Variants in ROBO2 observed in about 807,000 individuals in gnomAD.
ROBO2 encodes roundabout homolog 2.
A neutral mutation model predicts 160.8 loss-of-function variants in ROBO2; 53 were observed. The ratio of observed to expected loss-of-function variants is 0.33; its 90% CI spans 0.26 to 0.41. The LOEUF is 0.41. Among genes scored for constraint, ROBO2 ranks in the 10% least tolerant of loss-of-function variants. ROBO2 has a pLI of 1.00. For missense variants in ROBO2, 1,577 were observed against 1,722.4 expected (o/e 0.92, Z 1.49); for synonymous variants, 664 against 611.7 (o/e 1.09, Z -1.26).
At chr3:76,184,081 A>T (rs547005684) in intron 2 of ROBO2, among the ~76,000 whole-genome samples, 57 of 152,240 alleles carry the variant, frequency 3.7e-4, no homozygotes, top group African/African-American at 1.3e-3. Flanking sequence ...ATTGCTATGT[A>T]ACAAATCATT....
At chr3:76,042,858 T>A (rs778443440) in intron 2 of ROBO2, among the ~76,000 whole-genome samples, 1 of 152,050 alleles carries the variant, frequency 6.6e-6, no homozygotes, top group Non-Finnish European at 1.5e-5. Flanking sequence ...CTCAAATCAA[T>A]CACGACCCTT....
intron 1 of ROBO2, among the ~76,000 whole-genome samples, chr3:77,046,061 T>G (rs2149656218): frequency 6.6e-6 from 1 of 152,326 alleles, no homozygotes; most frequent in East Asian, 1.9e-4. Flanking sequence ...ATTGCTGCTT[T>G]GAACATCCAC....
intron 2 of ROBO2, among the ~76,000 whole-genome samples, chr3:77,458,548 G>T (rs1218526634): frequency 6.6e-6 from 1 of 151,522 alleles, no homozygotes; most frequent in African/African-American, 2.4e-5. Flanking sequence ...ACACTGATCA[G>T]CAATTCACTC....
At chr3:77,403,010 G>A (rs1184996054) in intron 2 of ROBO2, among the ~76,000 whole-genome samples, 1 of 152,116 alleles carries the variant, frequency 6.6e-6, no homozygotes, top group Non-Finnish European at 1.5e-5. Flanking sequence ...AATTGAGGTT[G>A]CTACAGACCC....
Position 76,346,274 on chromosome 3 carries a change from G to C in ROBO2, c.109+408672G>C, listed in dbSNP as rs2074524393. 1.3e-5 allele frequency among the ~76,000 whole-genome samples: 2 copies of C among 149,274 alleles called. 1 individual carries two copies. The highest frequency in any genetic ancestry group is 4.2e-4 in the South Asian group (2 of 4,724). On this transcript the variant is annotated intron_variant, in intron 2 of 26. Coordinates refer to the ROBO2 transcript ENST00000487694. Reference sequence around the variant, plus strand: ...ATTTTTTTTTTTTTTTTGAGACAGAGTCTCGCTCTGTTGCCCAGGCTGGAG... The same window carrying C: ...ATTTTTTTTTTTTTTTTGAGACAGACTCTCGCTCTGTTGCCCAGGCTGGAG...
intron 16 of ROBO2, among the ~76,000 whole-genome samples, chr3:77,588,051 A>G (rs1040587464): frequency 6.6e-6 from 1 of 152,008 alleles, no homozygotes; most frequent in Admixed American, 6.6e-5. Flanking sequence ...AGTAATGGAG[A>G]CCTCAAAGTT....
At chr3:76,640,900 C>T (rs1164831138) in intron 2 of ROBO2, among the ~76,000 whole-genome samples, 1 of 152,030 alleles carries the variant, frequency 6.6e-6, no homozygotes, top group Non-Finnish European at 1.5e-5. Context: ...GTGGCCAAAG[C>T]CAAGATCATT....
chr3:76,976,168 TA>T (rs1335334061), intron 2 of ROBO2, among the ~76,000 whole-genome samples: 1 of 152,192 alleles, frequency 6.6e-6, no homozygotes, highest in African/African-American at 2.4e-5. Context: ...AAGTAGAAAC[TA>T]AAAAATGGAA....
chr3:77,411,683 T>A (rs1047825133), intron 2 of ROBO2, among the ~76,000 whole-genome samples: 1 of 152,204 alleles, frequency 6.6e-6, no homozygotes, highest in Non-Finnish European at 1.5e-5. Context: ...TATACACATG[T>A]ATATGTATAT....
chr3:76,707,731 GTATATATA>G (rs56401900), intron 2 of ROBO2, among the ~76,000 whole-genome samples: 54,874 of 134,266 alleles, frequency 0.41, 11,199 homozygotes, highest in Non-Finnish European at 0.47. Flanking sequence ...ACATGTGTGT[GTATATATA>G]TATATATATA....
At chr3:76,347,436 A>C (rs1225840226) in intron 2 of ROBO2, among the ~76,000 whole-genome samples, 5 of 152,098 alleles carry the variant, frequency 3.3e-5, no homozygotes, top group African/African-American at 1.2e-4. Flanking sequence ...GTGAATTCTC[A>C]CTTTCTAATA....
intron 2 of ROBO2, among the ~76,000 whole-genome samples, chr3:77,197,756 T>C (rs1157601025): frequency 2.0e-5 from 3 of 152,204 alleles, no homozygotes; most frequent in Non-Finnish European, 4.4e-5. Flanking sequence ...AAAGGGATTG[T>C]ACAGATTTGA....
chr3:76,939,979 AT>A lies in ROBO2; in HGVS notation c.110-158015del, dbSNP rs71104641. Among the ~76,000 whole-genome samples the A allele has an allele frequency of 9.1e-4, 110 of 120,532 alleles. 2 individuals are homozygous for A. Among genetic ancestry groups the A allele is most frequent in the East Asian group, 7.2e-3 (29 of 4,030 alleles). 79.1% of individuals were successfully genotyped at this position (120,532 alleles called of 152,430 possible). A position where few individuals can be genotyped will look rare whatever the true frequency, so the allele number is the denominator to read the frequency against. ...GGCAGAGGAAGGACAAAGCAACAGG[AT>A]TTTTTTTTTTTTTTTTTTTGAGACG... is the stretch of plus-strand genomic sequence containing the variant. On this transcript the variant is annotated intron_variant, in intron 2 of 26. Coordinates refer to the ROBO2 transcript ENST00000487694.
In ROBO2 at chr3:77,180,423, T is replaced by C. The variant is rs761811342; in HGVS notation, c.388+82083T>C. ...CTCTCTCTCTCTCTCTCTCTATATA[T>C]ATATATATGTATTTTTTTTTTTTTT... is the stretch of plus-strand genomic sequence containing the variant. On this transcript the variant is annotated intron_variant, in intron 2 of 25. Transcript: ENST00000461745. Among the ~76,000 whole-genome samples, 131 of 125,474 alleles carry C rather than the reference T, an allele frequency of 1.0e-3. 2 individuals carry two copies. The highest frequency in any genetic ancestry group is 1.9e-3 in the Non-Finnish European group (105 of 55,294). 82.3% of individuals were successfully genotyped at this position (125,474 alleles called of 152,430 possible).
intron 2 of ROBO2, among the ~76,000 whole-genome samples, chr3:75,951,605 T>C (rs1425375488): frequency 6.6e-6 from 1 of 152,060 alleles, no homozygotes; most frequent in African/African-American, 2.4e-5. Context: ...TAAGTTAAGT[T>C]TGGGCTTTGG....
chr3:77,336,762 A>T (rs529006518), intron 2 of ROBO2, among the ~76,000 whole-genome samples: 5 of 152,280 alleles, frequency 3.3e-5, no homozygotes, highest in African/African-American at 9.6e-5. Context: ...AACGCCTGAC[A>T]CCAAACAGGC....
intron 2 of ROBO2, among the ~76,000 whole-genome samples, chr3:76,658,202 C>T (rs1287903532): frequency 6.6e-6 from 1 of 151,124 alleles, no homozygotes; most frequent in African/African-American, 2.4e-5. Flanking sequence ...ATTCCAATAC[C>T]CAGACATAGT....
intron 2 of ROBO2, among the ~76,000 whole-genome samples, chr3:76,936,341 G>A (rs559647278): frequency 6.6e-6 from 1 of 152,178 alleles, no homozygotes; most frequent in Non-Finnish European, 1.5e-5. Context: ...TCTAATCATG[G>A]TTTATTTATT....
intron 2 of ROBO2, among the ~76,000 whole-genome samples, chr3:76,890,563 G>GGT (rs2074272469): frequency 6.6e-6 from 1 of 152,020 alleles, no homozygotes. Flanking sequence ...GATGACTTCT[G>GGT]GTGTGTGTGT....
Sources: gnomAD v4.1 joint callset for allele counts (sites outside exome capture counted in the v4.1 genomes callset) on GRCh38, gnomAD v4.1.1 for gene constraint, MANE v1.5 for transcripts, NCBI Gene and HGNC (gene_info 2026-07-23, HGNC 2026-07-21) for gene names.